Variants in ANKRD30A observed in about 807,000 individuals in gnomAD.
ANKRD30A encodes the protein ankyrin repeat domain-containing protein 30A.
In ANKRD30A, 170 loss-of-function variants were observed where a neutral mutation model predicts 166.3. The ratio of observed to expected loss-of-function variants is 1.02; its 90% CI spans 0.90 to 1.16. The LOEUF (loss-of-function observed/expected upper bound fraction) is 1.16. ANKRD30A is among the 50% of genes most tolerant of loss of function. The pLI, the probability that ANKRD30A is intolerant of heterozygous loss-of-function variation, is 0.00. For synonymous variants in ANKRD30A, 564 were observed against 508.9 expected (o/e 1.11, Z -1.46); for missense variants, 1,630 against 1,518.0 (o/e 1.07, Z -1.23).
At chr10:37,227,273 T>C (rs1331558246) in intron 34 of ANKRD30A, among the ~76,000 whole-genome samples, 1 of 151,998 alleles carries the variant, frequency 6.6e-6, no homozygotes, top group Non-Finnish European at 1.5e-5. Flanking sequence ...TTTTAGCTCT[T>C]AAATTTAGCT....
chr10:37,197,632 G>C, intron 29 of ANKRD30A, 152 bp downstream of exon 29: 1 of 1,273,400 alleles, frequency 7.9e-7, no homozygotes, highest in Non-Finnish European at 1.1e-6. Flanking sequence ...TGAAAAGCTG[G>C]TATTACAAGC....
chr10:37,152,503 G>A (rs1337662851), intron 12 of ANKRD30A, among the ~76,000 whole-genome samples: 1 of 152,088 alleles, frequency 6.6e-6, no homozygotes, highest in East Asian at 1.9e-4. Flanking sequence ...GATGCATAGA[G>A]AGACATTTTA....
intron 27 of ANKRD30A, among the ~76,000 whole-genome samples, chr10:37,194,161 G>A (rs555720534): frequency 6.6e-6 from 1 of 152,146 alleles, no homozygotes; most frequent in South Asian, 2.1e-4. Context: ...TGCCACTTTA[G>A]CCTGAGTGAC....
chr10:37,252,242 C>T, the ANKRD30A span, among the ~76,000 whole-genome samples: 1 of 152,094 alleles, frequency 6.6e-6, no homozygotes, highest in Non-Finnish European at 1.5e-5. Flanking sequence ...GTTCTTGATT[C>T]CCCAGAGTCC....
At chr10:37,243,139 T>TC in the ANKRD30A span, among the ~76,000 whole-genome samples, 4 of 150,434 alleles carry the variant, frequency 2.7e-5, no homozygotes, top group African/African-American at 9.7e-5. Flanking sequence ...TCCAAATTTT[T>TC]TTTTTTTTTT....
chr10:37,161,035 C>T (rs879570221), intron 15 of ANKRD30A, among the ~76,000 whole-genome samples: 4 of 152,148 alleles, frequency 2.6e-5, no homozygotes, highest in Admixed American at 6.6e-5. Context: ...TGGCAGATCA[C>T]GAGGTTAGGA....
At chr10:37,216,873 G>T (rs192772169) in intron 32 of ANKRD30A, among the ~76,000 whole-genome samples, 2 of 150,900 alleles carry the variant, frequency 1.3e-5, no homozygotes, top group Non-Finnish European at 3.0e-5. Context: ...CAAAGAGAGC[G>T]TGAAATGGCC....
At chr10:37,191,202 T>A (rs1840542055) in intron 25 of ANKRD30A, among the ~76,000 whole-genome samples, 4 of 151,898 alleles carry the variant, frequency 2.6e-5, no homozygotes, top group African/African-American at 2.4e-5. Context: ...ATGAGTGGAT[T>A]AAGAGATATT....
chr10:37,233,486 A>G (rs1843541815), downstream of ANKRD30A, among the ~76,000 whole-genome samples: 1 of 152,150 alleles, frequency 6.6e-6, no homozygotes, highest in Non-Finnish European at 1.5e-5. Context: ...GCAGGCAAAG[A>G]TTTTTGAGAA....
chr10:37,139,803 AT>A (rs1836976834), intron 6 of ANKRD30A, among the ~76,000 whole-genome samples: 1 of 152,142 alleles, frequency 6.6e-6, no homozygotes, highest in African/African-American at 2.4e-5. Flanking sequence ...TCTCTATTTA[AT>A]TTTTACAATA....
At chr10:37,261,560 C>G in the ANKRD30A span, among the ~76,000 whole-genome samples, 1,199 of 152,066 alleles carry the variant, frequency 7.9e-3, 22 homozygotes, top group African/African-American at 0.026. Context: ...TTTCTTATTC[C>G]TTATCAAAAA....
At chr10:37,240,599 A>G in the ANKRD30A span, among the ~76,000 whole-genome samples, 1 of 152,128 alleles carries the variant, frequency 6.6e-6, no homozygotes, top group Non-Finnish European at 1.5e-5. Flanking sequence ...TCTTTGCTCT[A>G]GCATCCAGCC....
intron 3 of ANKRD30A, among the ~76,000 whole-genome samples, chr10:37,131,791 C>A (rs1337099855): frequency 2.6e-5 from 4 of 152,108 alleles, no homozygotes; most frequent in Admixed American, 6.6e-5. Flanking sequence ...TATAATATTT[C>A]TTGAACATAG....
At chr10:37,214,540 G>GTATATATA (rs140166249) in intron 31 of ANKRD30A, among the ~76,000 whole-genome samples, 45 of 139,798 alleles carry the variant, frequency 3.2e-4, no homozygotes, top group East Asian at 1.0e-3. Context: ...AGTTTTATAG[G>GTATATATA]TATATATATA....
chr10:37,158,649 G>C lies in ANKRD30A; in HGVS notation c.1900+63G>C, dbSNP rs991882962. ...AATATTAAAATATTTGAAATGCTGTGAGACTTTTCATTCCCAATGTTGTTT... is the reference window on the plus strand; with the variant it reads ...AATATTAAAATATTTGAAATGCTGTCAGACTTTTCATTCCCAATGTTGTTT... On this transcript the variant is annotated intron_variant, in intron 15 of 35. Coordinates refer to ENST00000361713, the MANE Select transcript of ANKRD30A (RefSeq NM_052997.3). 2.5e-6 allele frequency: 4 copies of C among 1,586,924 alleles called. No homozygotes were observed. In the African/African-American group the frequency reaches 5.4e-5, roughly 21 times the overall value.
At chr10:37,219,975 C>A in intron 34 of ANKRD30A, 78 bp downstream of exon 34, 1 of 736,052 alleles carries the variant, frequency 1.4e-6, no homozygotes, top group Non-Finnish European at 1.8e-6. Context: ...TGGCTAAATG[C>A]TGAATCTAGT....
downstream of ANKRD30A, among the ~76,000 whole-genome samples, chr10:37,236,433 C>T (rs1843678289): frequency 6.6e-6 from 1 of 152,174 alleles, no homozygotes; most frequent in Non-Finnish European, 1.5e-5. Flanking sequence ...CAGGCAGCTT[C>T]CTGCAGACAT....
chr10:37,146,172 T>A (rs1439816613), intron 8 of ANKRD30A, among the ~76,000 whole-genome samples: 2 of 24,478 alleles, frequency 8.2e-5, no homozygotes, highest in Admixed American at 4.0e-4. Context: ...AAAAAAGACT[T>A]TCTAATACTT....
chr10:37,220,523 T>A (rs1256540983), intron 34 of ANKRD30A, among the ~76,000 whole-genome samples: 5 of 151,252 alleles, frequency 3.3e-5, no homozygotes, highest in African/African-American at 1.2e-4. Flanking sequence ...TGTATTGTTA[T>A]AACCTCAATT....
Sources: gnomAD v4.1 joint callset for allele counts (sites outside exome capture counted in the v4.1 genomes callset) on GRCh38, gnomAD v4.1.1 for gene constraint, MANE v1.5 for transcripts, NCBI Gene and HGNC (gene_info 2026-07-23, HGNC 2026-07-21) for gene names.